Variants in CHST11 observed in about 807,000 individuals in gnomAD.
The protein encoded by CHST11 is C4S-1.
In CHST11, 9 loss-of-function variants were observed where a neutral mutation model predicts 30.4. The ratio of observed to expected loss-of-function variants is 0.30; its 90% CI spans 0.18 to 0.52. CHST11 has a LOEUF of 0.52. CHST11 is among the 20% of genes least tolerant of loss of function. The pLI is 0.97. For missense variants in CHST11, 348 were observed against 460.6 expected, an observed-to-expected ratio of 0.76 and a Z score of 2.24; for synonymous variants, 152 against 187.8, an observed-to-expected ratio of 0.81 and a Z score of 1.56.
chr12:104,641,016 C>T (rs1009825335), intron 2 of CHST11, among the ~76,000 whole-genome samples: 27 of 152,190 alleles, frequency 1.8e-4, no homozygotes, highest in African/African-American at 5.8e-4. Context: ...TTGGAGACTA[C>T]AGTTGGATGT....
chr12:104,594,553 C>T (rs555287717), intron 1 of CHST11, among the ~76,000 whole-genome samples: 17 of 152,308 alleles, frequency 1.1e-4, no homozygotes, highest in African/African-American at 2.6e-4. Context: ...TCTTCTCCCC[C>T]ATCCCCGCTT....
intron 1 of CHST11, among the ~76,000 whole-genome samples, chr12:104,486,304 ATTT>A (rs5800622): frequency 2.0e-5 from 3 of 147,112 alleles, no homozygotes; most frequent in Admixed American, 6.8e-5. Context: ...AGTCAGTGTG[ATTT>A]TTTTTTTTTT....
rs145304340 is a variant in CHST11, at chr12:104,602,436, G to A, written c.204+445G>A. On this transcript the variant is annotated intron_variant, in intron 2 of 2. Coordinates refer to ENST00000303694, the MANE Select transcript of CHST11 (RefSeq NM_018413.6). ...GTGCCAGTTTGGCAAACTCCCTTGC[G>A]AGCGGGGACCTTTTGCTAAGTGACT... is the stretch of plus-strand genomic sequence containing the variant. Among the ~76,000 whole-genome samples the A allele has an allele frequency of 1.2e-4, 18 of 152,246 alleles. No individual in the cohort carries two copies. The East Asian group carries it at 1.5e-3, about 13-fold the overall frequency.
At chr12:104,513,123 T>TGGTGGGGGGGGGGGGGG (rs1555229062) in intron 1 of CHST11, among the ~76,000 whole-genome samples, 1 of 3,384 alleles carries the variant, frequency 3.0e-4, no homozygotes. Context: ...ATGTCATGAC[T>TGGTGGGGGGGGGGGGGG]GGGGGGGGGG....
At chr12:104,631,217 C>T (rs534419961) in intron 2 of CHST11, among the ~76,000 whole-genome samples, 2 of 152,322 alleles carry the variant, frequency 1.3e-5, no homozygotes, top group South Asian at 2.1e-4. Context: ...AATGGTGCAG[C>T]TTCTTTCTTT....
At chr12:104,544,138 A>AAGAAAGAAAGAAAGAAAGAAAGAAAG (rs1555231338) in intron 1 of CHST11, among the ~76,000 whole-genome samples, 1 of 71,726 alleles carries the variant, frequency 1.4e-5, no homozygotes, top group African/African-American at 4.9e-5. Context: ...AAAAAAAAAA[A>AAGAAAGAAAGAAAGAAAGAAAGAAAG]AAAGAAAGAA....
chr12:104,605,423 C>CA (rs2038995254), intron 2 of CHST11, among the ~76,000 whole-genome samples: 1 of 152,100 alleles, frequency 6.6e-6, no homozygotes, highest in African/African-American at 2.4e-5. Context: ...ACTAAAAATA[C>CA]AAAAAATTCT....
intron 1 of CHST11, among the ~76,000 whole-genome samples, chr12:104,594,915 C>A (rs11112128): frequency 0.3 from 45,362 of 152,092 alleles, 7,174 homozygotes; most frequent in East Asian, 0.45. Context: ...CCACTGCCCT[C>A]CAGCCTGGAT....
Position 104,757,302 on chromosome 12 carries a change from G to C in CHST11, c.558G>C (p.Arg186=). 1 of 1,614,064 alleles carries C rather than the reference G, an allele frequency of 6.2e-7. No homozygotes were observed. Among genetic ancestry groups the C allele is most frequent in the Non-Finnish European group, 8.5e-7 (1 of 1,180,022 alleles). Residue 186 remains arginine (R), a synonymous_variant, in exon 3 of 3, where the codon CGG becomes CGC. Coordinates refer to ENST00000303694, the MANE Select transcript of CHST11 (RefSeq NM_018413.6). This position sits in a 1 kb window ranked among gnomAD's most constrained non-coding sequence, Gnocchi z 6.5. The part of the protein sequence containing the change: ...LKSYMKFLFV[R]EPFERLVSAY... ...GCTACATGAAGTTCCTGTTTGTCCG[G>C]GAGCCCTTCGAGAGGCTAGTGTCCG...
intron 2 of CHST11, among the ~76,000 whole-genome samples, chr12:104,667,527 T>G (rs2039652479): frequency 6.6e-6 from 1 of 152,228 alleles, no homozygotes; most frequent in African/African-American, 2.4e-5. Context: ...GGCCGTCATT[T>G]GGGAAGGAGC....
intron 1 of CHST11, among the ~76,000 whole-genome samples, chr12:104,469,672 C>T (rs191778785): frequency 2.5e-3 from 377 of 152,270 alleles, no homozygotes; most frequent in African/African-American, 8.6e-3. Flanking sequence ...TGCTTAACTG[C>T]AGGTGTCATG....
intron 2 of CHST11, among the ~76,000 whole-genome samples, chr12:104,660,712 C>T (rs546116959): frequency 6.6e-6 from 1 of 152,222 alleles, no homozygotes. Context: ...GAAGAAAATC[C>T]GAAACCCAGC....
chr12:104,662,630 A>G (rs1320998787), intron 2 of CHST11, among the ~76,000 whole-genome samples: 1 of 141,194 alleles, frequency 7.1e-6, no homozygotes, highest in Admixed American at 6.8e-5. Context: ...CCTTTTTACA[A>G]CTGATGTGTA....
intron 1 of CHST11, among the ~76,000 whole-genome samples, chr12:104,505,040 A>G (rs2037890914): frequency 6.6e-6 from 1 of 152,186 alleles, no homozygotes; most frequent in Non-Finnish European, 1.5e-5. Context: ...CCTGTAGCCA[A>G]ACCCAGACCT....
chr12:104,611,721 A>T (rs1165843509), intron 2 of CHST11, among the ~76,000 whole-genome samples: 1 of 152,122 alleles, frequency 6.6e-6, no homozygotes, highest in Non-Finnish European at 1.5e-5. Flanking sequence ...CTTTTGTCCC[A>T]AGTCTCCGAT....
chr12:104,702,716 A>T (rs2039999717), intron 2 of CHST11, among the ~76,000 whole-genome samples: 1 of 152,106 alleles, frequency 6.6e-6, no homozygotes, highest in Non-Finnish European at 1.5e-5. Context: ...CCCTGCCCCC[A>T]GCAGTCTCTT....
intron 1 of CHST11, among the ~76,000 whole-genome samples, chr12:104,497,060 G>A (rs1160201484): frequency 6.6e-6 from 1 of 152,126 alleles, no homozygotes; most frequent in African/African-American, 2.4e-5. Flanking sequence ...TCAAGCCCCT[G>A]GTTTCTGTCA....
chr12:104,611,198 C>A (rs900120041), intron 2 of CHST11, among the ~76,000 whole-genome samples: 5 of 151,776 alleles, frequency 3.3e-5, no homozygotes, highest in African/African-American at 4.8e-5. Context: ...CCCAGTGTAC[C>A]TAAAAATGAT....
At chr12:104,641,985 A>G (rs2039381328) in intron 2 of CHST11, among the ~76,000 whole-genome samples, 1 of 152,156 alleles carries the variant, frequency 6.6e-6, no homozygotes, top group Admixed American at 6.5e-5. Context: ...AGAGCTGGGG[A>G]GCTGCTACTG....
Sources: allele counts gnomAD v4.1 joint callset (sites outside exome capture counted in the v4.1 genomes callset), GRCh38; gene constraint gnomAD v4.1.1; non-coding constraint Gnocchi (gnomAD v3.1); transcripts MANE v1.5; gene names NCBI Gene and HGNC (gene_info 2026-07-23, HGNC 2026-07-21).